Variants in MYLK observed in about 807,000 individuals in gnomAD.
MYLK encodes the protein myosin light chain kinase, also known as myosin light chain kinase, smooth muscle.
In MYLK, 106 loss-of-function variants were observed where a neutral mutation model predicts 203.4. The observed-to-expected ratio is 0.52, with a 90% confidence interval of 0.45 to 0.61. The LOEUF is 0.61. Among genes scored for constraint, MYLK ranks in the 20% least tolerant of loss-of-function variants. The pLI, the probability that MYLK is intolerant of heterozygous loss-of-function variation, is 0.00. For missense variants in MYLK, 2,072 were observed against 2,442.3 expected (o/e 0.85, Z 3.20); for synonymous variants, 867 against 959.5 (o/e 0.90, Z 1.78).
intron 5 of MYLK, among the ~76,000 whole-genome samples, chr3:123,740,804 T>A (rs1226694892): frequency 6.6e-6 from 1 of 152,248 alleles, no homozygotes; most frequent in African/African-American, 2.4e-5. Flanking sequence ...GAGGCCATAG[T>A]AGGCGCTATC....
chr3:123,733,098 G>C lies in MYLK; in HGVS notation c.1314C>G (p.Ser438=). 6.2e-7 allele frequency: 1 copy of C among 1,613,530 alleles called. No individual in the cohort carries two copies. The highest frequency in any genetic ancestry group is 8.5e-7 in the Non-Finnish European group (1 of 1,179,860). Residue 438 remains serine (S), a synonymous_variant, in exon 11 of 34, where the codon TCC becomes TCG. Transcript: ENST00000360304. ...NQTVKFRCEV[S]GIPKPEVAWF... is the part of the protein sequence containing the mutation. ...AGGCCACTTCAGGCTTTGGAATCCC[G>C]GAAACTACAGGGCCAGGTAAAGAAC... is the stretch of plus-strand genomic sequence containing the variant.
At chr3:123,836,990 G>A (rs779767459) in intron 2 of MYLK, among the ~76,000 whole-genome samples, 2 of 152,126 alleles carry the variant, frequency 1.3e-5, no homozygotes, top group Non-Finnish European at 1.5e-5. Flanking sequence ...TATGTAACAC[G>A]GGACAAAATA....
chr3:123,767,806 G>A (rs1029281903), intron 4 of MYLK, among the ~76,000 whole-genome samples: 1 of 152,218 alleles, frequency 6.6e-6, no homozygotes, highest in Non-Finnish European at 1.5e-5. Flanking sequence ...GCCTGTGGGT[G>A]TCTTCAGGGG....
Position 123,793,545 on chromosome 3 carries a change from CGTT to C in MYLK, c.165+129_165+131del. The C allele has an allele frequency of 4.2e-6, 4 of 960,758 alleles. No homozygotes were observed. The South Asian group carries it at 6.7e-5, about 16-fold the overall frequency. The allele number at this position is 960,758 out of a possible 1,614,324, so 59.5% of individuals were successfully genotyped here. A position where few individuals can be genotyped will look rare whatever the true frequency, so the allele number is the denominator to read the frequency against. ...AAGAAAGAGAAAAGTGGCACAGGTT[CGTT>C]TTACATGAAGGTCCAAAAGAAAATT... On this transcript the variant is annotated intron_variant, in intron 4 of 33. Transcript: ENST00000360304.
At chr3:123,709,724 T>C (rs960164777) in intron 14 of MYLK, 32 bp downstream of exon 14, 6 of 1,612,294 alleles carry the variant, frequency 3.7e-6, no homozygotes, top group Non-Finnish European at 5.1e-6. Context: ...CATTTTCATG[T>C]TAATCCCCAA....
chr3:123,628,076 G>T (rs2058238171), intron 30 of MYLK, among the ~76,000 whole-genome samples: 1 of 152,202 alleles, frequency 6.6e-6, no homozygotes, highest in Non-Finnish European at 1.5e-5. Context: ...TATTGGAAGA[G>T]AATTTAGACT....
chr3:123,733,619 TGAAG>T (rs1218754049), intron 10 of MYLK, 64 bp downstream of exon 10: 5 of 1,586,688 alleles, frequency 3.2e-6, no homozygotes, highest in Non-Finnish European at 4.3e-6. Context: ...AGCTGGGTGC[TGAAG>T]GAAGGGAGTG....
chr3:123,772,718 G>C (rs1468982956), intron 4 of MYLK, among the ~76,000 whole-genome samples: 2 of 151,806 alleles, frequency 1.3e-5, no homozygotes, highest in South Asian at 4.2e-4. Context: ...AAAAAGTAAA[G>C]GACATGAACA....
At chr3:123,695,572 C>T (rs1412179088) in intron 18 of MYLK, among the ~76,000 whole-genome samples, 4 of 152,188 alleles carry the variant, frequency 2.6e-5, no homozygotes, top group Admixed American at 6.5e-5. Context: ...AAAGAAAATT[C>T]AGAGTTCTTT....
At chr3:123,720,680 A>C (rs1198570091) in intron 13 of MYLK, among the ~76,000 whole-genome samples, 7 of 152,234 alleles carry the variant, frequency 4.6e-5, no homozygotes, top group Non-Finnish European at 1.0e-4. Context: ...GTAAACCAGA[A>C]TCTGGCTGCA....
chr3:123,745,605 T>G (rs1430256410), intron 5 of MYLK, among the ~76,000 whole-genome samples: 1 of 152,156 alleles, frequency 6.6e-6, no homozygotes, highest in Non-Finnish European at 1.5e-5. Flanking sequence ...AGTGCTTATA[T>G]ATACTAGGAA....
chr3:123,742,940 T>C (rs764197217), intron 5 of MYLK, among the ~76,000 whole-genome samples: 21 of 151,930 alleles, frequency 1.4e-4, no homozygotes, highest in Non-Finnish European at 2.6e-4. Context: ...AGAAAGATGG[T>C]GGTTAGTAGT....
In MYLK at chr3:123,700,784, A is replaced by T. The variant is rs757467154; in HGVS notation, c.2684T>A (p.Leu895Gln). Residue 895 changes from leucine (L) to glutamine (Q), a missense_variant, in exon 18 of 34, where the codon CTG becomes CAG. Leu to Gln is a moderately radical substitution (Grantham distance 113). Transcript: ENST00000360304. ...EAIRQQEVEQ[L>Q]DFRDLLGKKV... is the part of the protein sequence containing the mutation. Reference sequence around the variant, plus strand: ...CTTCCCCAGGAGGTCTCGGAAGTCCAGCTGCTCCACCTCCTGCTGGCGGAT... The same window carrying T: ...CTTCCCCAGGAGGTCTCGGAAGTCCTGCTGCTCCACCTCCTGCTGGCGGAT... The T allele has an allele frequency of 6.2e-7, 1 of 1,614,206 alleles. No individual in the cohort carries two copies. Among genetic ancestry groups the T allele is most frequent in the Non-Finnish European group, 8.5e-7 (1 of 1,180,038 alleles).
intron 2 of MYLK, among the ~76,000 whole-genome samples, chr3:123,838,045 A>G (rs575636231): frequency 6.6e-6 from 1 of 152,320 alleles, no homozygotes; most frequent in East Asian, 1.9e-4. Context: ...ATAATGAAGG[A>G]CATCAAACCA....
intron 4 of MYLK, among the ~76,000 whole-genome samples, chr3:123,775,983 C>A (rs549092198): frequency 1.3e-5 from 2 of 152,314 alleles, no homozygotes; most frequent in South Asian, 2.1e-4. Flanking sequence ...CAGGCCTGAT[C>A]TCTGAGTCTG....
intron 24 of MYLK, among the ~76,000 whole-genome samples, chr3:123,651,328 T>C (rs1272392594): frequency 3.3e-5 from 5 of 152,138 alleles, no homozygotes; most frequent in Non-Finnish European, 5.9e-5. Context: ...GTATGTTCAA[T>C]AGACATTTAG....
At chr3:123,691,627 C>T (rs40414) in intron 19 of MYLK, 128,073 of 152,258 alleles carry the variant, frequency 0.84, 57,063 homozygotes, top group Non-Finnish European at 0.99. Context: ...AATGAGGACA[C>T]GGGCTCTACA....
chr3:123,722,071 C>T, intron 13 of MYLK, 57 bp downstream of exon 13: 3 of 1,549,868 alleles, frequency 1.9e-6, no homozygotes, highest in Non-Finnish European at 2.6e-6. Context: ...GCCCTTCCTC[C>T]AAAGCAGAAG....
intron 2 of MYLK, among the ~76,000 whole-genome samples, chr3:123,862,463 G>C (rs1469079457): frequency 6.6e-6 from 1 of 152,200 alleles, no homozygotes; most frequent in Non-Finnish European, 1.5e-5. Context: ...GCACAGAAAT[G>C]AAGTAACTTG....
Sources: gnomAD v4.1 joint callset for allele counts (sites outside exome capture counted in the v4.1 genomes callset) on GRCh38, gnomAD v4.1.1 for gene constraint, MANE v1.5 for transcripts, NCBI Gene and HGNC (gene_info 2026-07-23, HGNC 2026-07-21) for gene names.